Variants in MTUS2 observed in about 807,000 individuals in gnomAD.
The protein encoded by MTUS2 is microtubule associated scaffold protein 2, also known as microtubule-associated tumor suppressor candidate 2.
MTUS2 carries 40 observed loss-of-function variants against 114.1 expected under a neutral mutation model. The ratio of observed to expected loss-of-function variants is 0.35; its 90% CI spans 0.27 to 0.46. The LOEUF is 0.46. Among genes scored for constraint, MTUS2 ranks in the 20% least tolerant of loss-of-function variants. MTUS2 has a pLI of 1.00. For missense variants in MTUS2, 1,679 were observed against 1,705.4 expected (o/e 0.98, Z 0.27); for synonymous variants, 688 against 672.0 (o/e 1.02, Z -0.37).
At chr13:28,882,535 A>G (rs1878353940) in intron 2 of MTUS2, among the ~76,000 whole-genome samples, 1 of 152,134 alleles carries the variant, frequency 6.6e-6, no homozygotes, top group South Asian at 2.1e-4. Flanking sequence ...CAGGAGTTTG[A>G]GGCCAGCCTG....
At chr13:29,300,419 A>C (rs1287939044) in intron 6 of MTUS2, among the ~76,000 whole-genome samples, 1 of 152,206 alleles carries the variant, frequency 6.6e-6, no homozygotes, top group Non-Finnish European at 1.5e-5. Context: ...GTCCAACAGT[A>C]ATTAATGCAG....
chr13:29,327,730 C>T (rs1308511058), intron 7 of MTUS2, among the ~76,000 whole-genome samples: 1 of 152,098 alleles, frequency 6.6e-6, no homozygotes, highest in Non-Finnish European at 1.5e-5. Context: ...CATCTGCTTC[C>T]ATTTCTCTTG....
chr13:28,835,816 G>A (rs1356310230), intron 1 of MTUS2, among the ~76,000 whole-genome samples: 1 of 152,188 alleles, frequency 6.6e-6, no homozygotes, highest in Non-Finnish European at 1.5e-5. Context: ...TACATGTGAA[G>A]TGCCAGCAGC....
In MTUS2 at chr13:29,389,480, CGTGT is replaced by C. The variant is rs1250131918; in HGVS notation, c.3117+30012_3117+30015del. 1.3e-4 allele frequency among the ~76,000 whole-genome samples: 15 copies of C among 116,390 alleles called. 2 individuals carry two copies. Among genetic ancestry groups the C allele is most frequent in the African/African-American group, 3.7e-4 (11 of 29,900 alleles). The allele number at this position is 116,390 out of a possible 152,430, so 76.4% of individuals were successfully genotyped here. Reference sequence around the variant, plus strand: ...GTGTGTGTATGTGTATATGTATACACGTGTGTGTATGTGTATATATGTATACACG... The same window carrying C: ...GTGTGTGTATGTGTATATGTATACACGTGTATGTGTATATATGTATACACG... On this transcript the variant is annotated intron_variant, in intron 8 of 15. Coordinates refer to ENST00000612955, the MANE Select transcript of MTUS2 (RefSeq NM_001033602.4).
chr13:28,887,639 G>A (rs1878669627), intron 2 of MTUS2, among the ~76,000 whole-genome samples: 1 of 152,220 alleles, frequency 6.6e-6, no homozygotes, highest in African/African-American at 2.4e-5. Flanking sequence ...GGGAGGAAGA[G>A]CATTCTGGAC....
chr13:29,252,503 G>A (rs2989381), intron 5 of MTUS2, among the ~76,000 whole-genome samples: 2,437 of 152,202 alleles, frequency 0.016, 72 homozygotes, highest in African/African-American at 0.056. Context: ...AGGAGGCAGG[G>A]GAGGACACAT....
At chr13:29,371,983 C>CG (rs1330232846) in intron 8 of MTUS2, among the ~76,000 whole-genome samples, 1 of 63,058 alleles carries the variant, frequency 1.6e-5, no homozygotes, top group East Asian at 5.5e-4. Flanking sequence ...CCCGCCCCCC[C>CG]CCCCACACAC....
intron 8 of MTUS2, among the ~76,000 whole-genome samples, chr13:29,362,544 G>T (rs984623562): frequency 6.6e-6 from 1 of 152,024 alleles, no homozygotes; most frequent in Non-Finnish European, 1.5e-5. Context: ...AAAATTAGCC[G>T]AGTGTGGTGG....
intron 9 of MTUS2, among the ~76,000 whole-genome samples, chr13:29,466,388 G>C (rs1879887147): frequency 6.6e-6 from 1 of 152,132 alleles, no homozygotes; most frequent in African/African-American, 2.4e-5. Flanking sequence ...AAAAGTTCCT[G>C]GGTGGAAACA....
chr13:28,960,671 A>G (rs546522021), intron 2 of MTUS2, among the ~76,000 whole-genome samples: 17 of 152,332 alleles, frequency 1.1e-4, no homozygotes, highest in African/African-American at 4.1e-4. Context: ...AAAGACAGAA[A>G]ATAGATTAGT....
intron 4 of MTUS2, among the ~76,000 whole-genome samples, chr13:29,094,957 A>G (rs1346828629): frequency 2.6e-5 from 4 of 152,056 alleles, no homozygotes; most frequent in African/African-American, 9.7e-5. Context: ...GTGTGTTCAT[A>G]TATTTGAGAA....
intron 3 of MTUS2, among the ~76,000 whole-genome samples, chr13:29,031,073 G>A (rs1886791403): frequency 6.6e-6 from 1 of 152,116 alleles, no homozygotes; most frequent in South Asian, 2.1e-4. Flanking sequence ...TTTGGTAAAG[G>A]GAGGTGGGAA....
chr13:29,025,491 C>T lies in MTUS2; in HGVS notation c.793C>T (p.His265Tyr), dbSNP rs995848377. The change falls in exon 3 of 16, where the codon CAT becomes TAT. Residue 265 changes from histidine (H) to tyrosine (Y), a missense_variant. His to Tyr is a moderately conservative substitution (Grantham distance 83). This residue lies in a region of MTUS2 where 843 missense variants were observed against 770.8 expected (regional missense o/e 1.09). Coordinates refer to ENST00000612955, the MANE Select transcript of MTUS2 (RefSeq NM_001033602.4). ...TPSETQTVGA[H>Y]VLQVCSEHTS... ...CTCAGAGACCCAAACAGTGGGGGCACATGTACTGCAGGTGTGCAGTGAGCA... is the reference window on the plus strand; with the variant it reads ...CTCAGAGACCCAAACAGTGGGGGCATATGTACTGCAGGTGTGCAGTGAGCA... 8 of 1,613,346 alleles carry T rather than the reference C, an allele frequency of 5.0e-6. No individual in the cohort carries two copies. Among genetic ancestry groups the T allele is most frequent in the African/African-American group, 1.3e-5 (1 of 74,898 alleles).
At chr13:29,110,142 C>T (rs892587754) in intron 5 of MTUS2, among the ~76,000 whole-genome samples, 55 of 152,234 alleles carry the variant, frequency 3.6e-4, no homozygotes, top group Non-Finnish European at 7.3e-4. Context: ...ATTCACTTGG[C>T]TTCCCTGTAA....
At chr13:28,832,771 C>CA (rs1170597752) in intron 1 of MTUS2, among the ~76,000 whole-genome samples, 158 of 2,874 alleles carry the variant, frequency 0.055, no homozygotes, top group African/African-American at 0.14. Flanking sequence ...AATAGAAAAA[C>CA]AATAAAATCA....
intron 8 of MTUS2, among the ~76,000 whole-genome samples, chr13:29,421,043 C>T (rs1056250613): frequency 6.6e-6 from 1 of 152,138 alleles, no homozygotes; most frequent in African/African-American, 2.4e-5. Flanking sequence ...AACACATATG[C>T]CATTTCTCTC....
chr13:28,830,254 A>G (rs1874574270), intron 1 of MTUS2, among the ~76,000 whole-genome samples: 1 of 152,168 alleles, frequency 6.6e-6, no homozygotes, highest in Non-Finnish European at 1.5e-5. Flanking sequence ...AAATTTCCAC[A>G]CACACAAGCA....
chr13:29,005,120 C>G (rs748061705), intron 2 of MTUS2, among the ~76,000 whole-genome samples: 3 of 152,152 alleles, frequency 2.0e-5, no homozygotes, highest in Non-Finnish European at 2.9e-5. Flanking sequence ...TGTCTTTGTT[C>G]CTACAACCCC....
At chr13:29,135,582 A>G (rs974698773) in intron 5 of MTUS2, among the ~76,000 whole-genome samples, 5 of 152,020 alleles carry the variant, frequency 3.3e-5, no homozygotes, top group African/African-American at 7.2e-5. Flanking sequence ...TTTGTTTTCT[A>G]TATGCCTTAT....
Sources: allele counts gnomAD v4.1 joint callset (sites outside exome capture counted in the v4.1 genomes callset), GRCh38; gene constraint gnomAD v4.1.1; regional missense constraint gnomAD v4.1.1; transcripts MANE v1.5; gene names NCBI Gene and HGNC (gene_info 2026-07-23, HGNC 2026-07-21).